The following RUVBL1 variants were observed in gnomAD, a reference collection of about 807,000 sequenced individuals.
The protein encoded by RUVBL1 is ruvB-like 1.
Under a neutral mutation model 52.4 loss-of-function variants are expected in RUVBL1, and 4 were observed. That is an observed-to-expected ratio of 0.08 (90% confidence interval 0.04 to 0.17). The LOEUF (loss-of-function observed/expected upper bound fraction) is 0.17. Ranked by LOEUF, RUVBL1 falls within the 10% of genes least tolerant of loss-of-function variation. RUVBL1 has a pLI of 1.00. For missense variants in RUVBL1, 298 were observed against 572.8 expected (o/e 0.52, Z 4.90); for synonymous variants, 217 against 214.4 (o/e 1.01, Z -0.10).
At chr3:128,106,385 A>C (rs985946648) in intron 3 of RUVBL1, among the ~76,000 whole-genome samples, 1 of 152,214 alleles carries the variant, frequency 6.6e-6, no homozygotes, top group Admixed American at 6.5e-5. Context: ...GCTTTTGCAT[A>C]TAACGGTTCT....
chr3:128,113,356 G>A (rs1943438935), intron 2 of RUVBL1, among the ~76,000 whole-genome samples: 1 of 152,186 alleles, frequency 6.6e-6, no homozygotes, highest in Non-Finnish European at 1.5e-5. Context: ...GAGACATTAA[G>A]TAATGCAACG....
intron 1 of RUVBL1, among the ~76,000 whole-genome samples, chr3:128,120,620 G>A (rs1224050685): frequency 6.6e-6 from 1 of 152,062 alleles, no homozygotes; most frequent in Non-Finnish European, 1.5e-5. Context: ...TATCTAAAAG[G>A]TGCTCTTCTC....
chr3:128,090,793 A>G (rs564202689), intron 8 of RUVBL1, among the ~76,000 whole-genome samples: 8 of 152,272 alleles, frequency 5.3e-5, no homozygotes, highest in African/African-American at 1.4e-4. Flanking sequence ...TTTAAGTCTT[A>G]TTTGAGAATT....
chr3:128,144,167 A>C (rs1443697522), intron 1 of RUVBL1, among the ~76,000 whole-genome samples: 1 of 152,238 alleles, frequency 6.6e-6, no homozygotes, highest in Non-Finnish European at 1.5e-5. Flanking sequence ...TGAGGAAGGC[A>C]CATGGTTAAC....
intron 9 of RUVBL1, chr3:128,066,644 G>A (rs143165284): frequency 2.2e-4 from 82 of 376,492 alleles, no homozygotes; most frequent in African/African-American, 1.5e-3. Flanking sequence ...GGCTGGTATC[G>A]AACTTCTGGG....
At chr3:128,126,872 C>T (rs937149847), upstream of RUVBL1, among the ~76,000 whole-genome samples, 5 of 152,204 alleles carry the variant, frequency 3.3e-5, no homozygotes, top group Non-Finnish European at 7.3e-5. Context: ...AGGAAATGAC[C>T]GTTCTCCCAC....
At chr3:128,095,416 G>A (rs1300629974) in intron 8 of RUVBL1, among the ~76,000 whole-genome samples, 1 of 152,252 alleles carries the variant, frequency 6.6e-6, no homozygotes, top group Non-Finnish European at 1.5e-5. Context: ...ACAGCCACAG[G>A]CATGCCAGGC....
chr3:128,101,896 G>A (rs1173820854), intron 4 of RUVBL1, among the ~76,000 whole-genome samples: 3 of 152,154 alleles, frequency 2.0e-5, no homozygotes, highest in Non-Finnish European at 4.4e-5. Context: ...CCTATGTAAC[G>A]AGCATGAGAG....
chr3:128,112,961 C>T lies in RUVBL1; in HGVS notation c.288G>A (p.Met96Ile), dbSNP rs957781092. 1.9e-6 allele frequency: 3 copies of T among 1,614,194 alleles called. No individual in the cohort carries two copies. The highest frequency in any genetic ancestry group is 2.5e-6 in the Non-Finnish European group (3 of 1,180,030). The change falls in exon 3 of 11, where the codon ATG becomes ATA. Residue 96 changes from methionine to isoleucine, a missense_variant. Met to Ile is a conservative substitution (Grantham distance 10, BLOSUM62 1). This residue lies in a region of RUVBL1 where 71 missense variants were observed against 125.7 expected (regional missense o/e 0.57). Coordinates refer to ENST00000322623, the MANE Select transcript of RUVBL1 (RefSeq NM_003707.3). ...ELGSKVPFCP[M>I]VGSEVYSTEI... ...CAGTTGAGTAAACTTCACTCCCCAC[C>T]ATTGGGCAGAAGGGGACCTTACTAC...
rs565481484 is a variant in RUVBL1, at chr3:128,137,035, T to C, written c.-40+16168A>G. ...AACGGCTGCAGAATACACATTATTC[T>C]CCTCAGCACATGGATCATTCTTAAG... On this transcript the variant is annotated intron_variant, in intron 1 of 9. Coordinates refer to the RUVBL1 transcript ENST00000464873. 4.6e-5 allele frequency among the ~76,000 whole-genome samples: 7 copies of C among 152,258 alleles called. No homozygotes were observed. In the South Asian group the frequency reaches 1.4e-3, roughly 32 times the overall value.
intron 1 of RUVBL1, among the ~76,000 whole-genome samples, chr3:128,134,503 G>T (rs961981531): frequency 2.1e-4 from 29 of 140,614 alleles, no homozygotes; most frequent in Non-Finnish European, 3.6e-4. Context: ...ATACACAGAG[G>T]TGGCCAGGCA....
rs558526784 is a variant in RUVBL1, at chr3:128,131,536, A to C, written c.-39-12122T>G. Among the ~76,000 whole-genome samples, 32 of 152,228 alleles carry C rather than the reference A, an allele frequency of 2.1e-4. No homozygotes were observed. The East Asian group carries it at 3.1e-3, about 15-fold the overall frequency. On this transcript the variant is annotated intron_variant, in intron 1 of 9. Transcript: ENST00000464873. ...TAAAACAAACCAACAACAACAACAA[A>C]AAAAAACAGATCAAGATCCTGTATG...
At chr3:128,117,431 C>A (rs1167584643) in intron 2 of RUVBL1, among the ~76,000 whole-genome samples, 1 of 152,132 alleles carries the variant, frequency 6.6e-6, no homozygotes, top group African/African-American at 2.4e-5. Flanking sequence ...GCCAGTAGCA[C>A]CCCCAACCAA....
At chr3:128,144,742 G>A (rs1259948579) in intron 1 of RUVBL1, among the ~76,000 whole-genome samples, 9 of 152,230 alleles carry the variant, frequency 5.9e-5, no homozygotes, top group Non-Finnish European at 1.5e-5. Flanking sequence ...TAGTGGGAGG[G>A]ATGGTAGGAC....
chr3:128,145,402 T>C (rs899878835), intron 1 of RUVBL1, among the ~76,000 whole-genome samples: 2 of 152,236 alleles, frequency 1.3e-5, no homozygotes, highest in East Asian at 3.8e-4. Flanking sequence ...CCTTTTTTGC[T>C]TAAGTCAGTT....
intron 1 of RUVBL1, 37 bp downstream of exon 1, chr3:128,123,547 G>T: frequency 6.5e-7 from 1 of 1,530,926 alleles, no homozygotes; most frequent in Non-Finnish European, 8.9e-7. Flanking sequence ...CAGCAGCCCT[G>T]CTTGCAGCCC....
intron 9 of RUVBL1, among the ~76,000 whole-genome samples, chr3:128,068,367 G>GA (rs1215565488): frequency 6.6e-6 from 1 of 152,220 alleles, no homozygotes; most frequent in Admixed American, 6.5e-5. Flanking sequence ...CTGGCAGCGG[G>GA]ACCCTCACCC....
At chr3:128,124,559 G>T (rs1298617112), upstream of RUVBL1, among the ~76,000 whole-genome samples, 2 of 152,100 alleles carry the variant, frequency 1.3e-5, no homozygotes, top group African/African-American at 4.8e-5. Flanking sequence ...GTCCCTTCAG[G>T]TTTCATAATG....
chr3:128,070,542 T>G (rs1362357874), intron 9 of RUVBL1: 5 of 152,272 alleles, frequency 3.3e-5, no homozygotes, highest in Middle Eastern at 6.3e-3. Flanking sequence ...GGACAGAAAC[T>G]GACTTAGTGC....
Sources: allele counts gnomAD v4.1 joint callset (sites outside exome capture counted in the v4.1 genomes callset), GRCh38; gene constraint gnomAD v4.1.1; regional missense constraint gnomAD v4.1.1; transcripts MANE v1.5; gene names NCBI Gene and HGNC (gene_info 2026-07-23, HGNC 2026-07-21).